The following MAP3K15 variants were observed in gnomAD, a reference collection of about 807,000 sequenced individuals.
The protein encoded by MAP3K15 is MAPK/ERK kinase kinase 15.
A neutral mutation model predicts 99.5 loss-of-function variants in MAP3K15; 124 were observed. The ratio of observed to expected loss-of-function variants is 1.25; its 90% CI spans 1.08 to 1.45. The LOEUF is 1.45. Among genes scored for constraint, MAP3K15 ranks in the 40% most tolerant of loss-of-function variants. The pLI, the probability that MAP3K15 is intolerant of heterozygous loss-of-function variation, is 0.00. For missense variants in MAP3K15, 1,242 were observed against 1,079.7 expected, an observed-to-expected ratio of 1.15 and a Z score of -2.11; for synonymous variants, 494 against 439.6, an observed-to-expected ratio of 1.12 and a Z score of -1.55.
At chrX:19,375,509 G>A (rs764998741) in intron 19 of MAP3K15, among the ~76,000 whole-genome samples, 1 of 112,291 alleles carries the variant, frequency 8.9e-6, no homozygotes, top group East Asian at 2.8e-4. Context: ...ATGCTTCCGT[G>A]ACATGTTATA....
intron 6 of MAP3K15, among the ~76,000 whole-genome samples, chrX:19,445,405 A>G (rs1261780329): frequency 9.3e-6 from 1 of 107,719 alleles, no homozygotes; most frequent in Non-Finnish European, 1.9e-5. Context: ...AGCCTGGCCA[A>G]CATAGTGAAA....
intron 6 of MAP3K15, among the ~76,000 whole-genome samples, chrX:19,452,039 A>G (rs2064042630): frequency 9.8e-6 from 1 of 101,959 alleles, no homozygotes; most frequent in Admixed American, 1.2e-4. Flanking sequence ...AGCCTGGGTG[A>G]CAGAGCAGGA....
At chrX:19,370,924 C>CT (rs1404253315) in intron 24 of MAP3K15, 35 bp downstream of exon 24, 1 of 1,040,779 alleles carries the variant, frequency 9.6e-7, no homozygotes, top group African/African-American at 1.9e-5. Flanking sequence ...TTTTCACGGC[C>CT]TAAAGCTGAC....
chrX:19,418,912 C>A (rs1397378458), intron 9 of MAP3K15, among the ~76,000 whole-genome samples: 1 of 111,697 alleles, frequency 9.0e-6, no homozygotes, highest in African/African-American at 3.3e-5. Context: ...GAATTTTCAA[C>A]CCAGAATTTC....
intron 18 of MAP3K15, among the ~76,000 whole-genome samples, chrX:19,381,167 G>C (rs2063455698): frequency 8.9e-6 from 1 of 112,007 alleles, no homozygotes; most frequent in African/African-American, 3.2e-5. Context: ...GTGTCCATTT[G>C]GGCCTCTGAG....
At chrX:19,374,395 C>G in intron 20 of MAP3K15, 82 bp downstream of exon 20, 1 of 968,147 alleles carries the variant, frequency 1.0e-6, no homozygotes, top group South Asian at 2.3e-5. Flanking sequence ...AGCCAGAACT[C>G]TCCCTCCTGA....
chrX:19,460,646 T>C (rs1397551955), intron 4 of MAP3K15, among the ~76,000 whole-genome samples: 1 of 112,028 alleles, frequency 8.9e-6, no homozygotes, highest in Non-Finnish European at 1.9e-5. Flanking sequence ...AAACTGGTGT[T>C]GAGTCCCTGA....
At chrX:19,361,771 T>A in intron 26 of MAP3K15, 178 bp from the exon 27 acceptor site, 1 of 371,705 alleles carries the variant, frequency 2.7e-6, no homozygotes, top group Non-Finnish European at 4.6e-6. Context: ...GAGATTCACT[T>A]TCTAGAAAGC....
intron 11 of MAP3K15, among the ~76,000 whole-genome samples, chrX:19,412,209 C>T (rs762063484): frequency 1.3e-4 from 15 of 112,139 alleles, no homozygotes; most frequent in African/African-American, 4.2e-4. Flanking sequence ...GTCTATTCCA[C>T]GGTGGCTTTA....
At chrX:19,429,960 C>G (rs1362158899) in intron 7 of MAP3K15, among the ~76,000 whole-genome samples, 7 of 111,488 alleles carry the variant, frequency 6.3e-5, no homozygotes, top group Non-Finnish European at 1.3e-4. Flanking sequence ...TCCCCACCAC[C>G]CTGGCTCAAG....
At chrX:19,473,133 A>C (rs1183065464) in intron 3 of MAP3K15, among the ~76,000 whole-genome samples, 1 of 112,342 alleles carries the variant, frequency 8.9e-6, no homozygotes, top group Non-Finnish European at 1.9e-5. Flanking sequence ...GAGTGAGTTT[A>C]ATGAACAGGA....
At position 19,435,615 on chromosome X, in the gene MAP3K15, CA is replaced by C. The variant is rs2063915878; in HGVS notation, c.996-4008del. 3.6e-5 allele frequency among the ~76,000 whole-genome samples: 4 copies of C among 112,161 alleles called. No homozygotes were observed. In the South Asian group the frequency reaches 1.1e-3, roughly 31 times the overall value. ...ATCAAACATTTGAAAAAATTAAAAGCAAAGAGATTTTCAGCTTAAAAGCCAC... is the reference window on the plus strand; with the variant it reads ...ATCAAACATTTGAAAAAATTAAAAGCAAGAGATTTTCAGCTTAAAAGCCAC... On this transcript the variant is annotated intron_variant, in intron 6 of 28. Coordinates refer to ENST00000338883, the MANE Select transcript of MAP3K15 (RefSeq NM_001001671.4).
Position 19,486,504 on chromosome X carries a change from T to C in MAP3K15, c.503A>G (p.Asp168Gly), listed in dbSNP as rs753300066. 9 of 895,613 alleles carry C rather than the reference T, an allele frequency of 1.0e-5. No homozygotes were observed. Among genetic ancestry groups the C allele is most frequent in the Non-Finnish European group, 1.4e-5 (9 of 666,371 alleles). 73.8% of individuals were successfully genotyped at this position (895,613 alleles called of 1,213,427 possible). The part of the protein sequence containing the change: ...TDADTALSLK[D>G]MVTQKNTASS... ...TACTGTGTTTTTTTGAGTTACCATG[T>C]CCTGAAAAGAAAAAGAAAAGATGAA... The change falls in exon 3 of 29, where the codon GAC becomes GGC. Residue 168 changes from aspartate to glycine, a missense_variant and splice_region_variant. By Grantham distance (94) the Asp-to-Gly change is moderately conservative. Transcript: ENST00000338883.
intron 9 of MAP3K15, among the ~76,000 whole-genome samples, chrX:19,421,047 G>T (rs7892435): frequency 0.01 from 1,154 of 110,253 alleles, 19 homozygotes; most frequent in African/African-American, 0.037. Flanking sequence ...ATAATAAGAG[G>T]TATCTATGAC....
At chrX:19,443,022 CTTT>C (rs35963207) in intron 6 of MAP3K15, among the ~76,000 whole-genome samples, 3 of 17,237 alleles carry the variant, frequency 1.7e-4, no homozygotes, top group Admixed American at 1.8e-3. Context: ...CCATGCCCGG[CTTT>C]TTTTTTTTTT....
Position 19,407,927 on chromosome X carries a change from C to T in MAP3K15, c.1749-644G>A, listed in dbSNP as rs184904833. Reference sequence around the variant, plus strand: ...ATTATGGAGAGGAAGGCTAGATTCTCTTCTATCATTGTCCCTTCAAACAAC... The same window carrying T: ...ATTATGGAGAGGAAGGCTAGATTCTTTTCTATCATTGTCCCTTCAAACAAC... On this transcript the variant is annotated intron_variant, in intron 12 of 28. Transcript: ENST00000338883. 1.3e-4 allele frequency among the ~76,000 whole-genome samples: 15 copies of T among 112,028 alleles called. No homozygotes were observed. In the Admixed American group the frequency reaches 1.4e-3, roughly 11 times the overall value.
chrX:19,417,828 C>A (rs1428237239), intron 9 of MAP3K15, among the ~76,000 whole-genome samples: 1 of 111,857 alleles, frequency 8.9e-6, no homozygotes, highest in Non-Finnish European at 1.9e-5. Context: ...CGGCTGGGTA[C>A]TCCTCTGAGA....
At chrX:19,419,144 A>C (rs1214530566) in intron 9 of MAP3K15, among the ~76,000 whole-genome samples, 19 of 112,233 alleles carry the variant, frequency 1.7e-4, no homozygotes, top group Admixed American at 3.8e-4. Flanking sequence ...TGAGCAAAAT[A>C]ACCAGCTAAC....
intron 4 of MAP3K15, among the ~76,000 whole-genome samples, chrX:19,463,065 G>C (rs1365404458): frequency 2.7e-5 from 3 of 111,901 alleles, no homozygotes; most frequent in Non-Finnish European, 5.6e-5. Flanking sequence ...ATGGTATTGG[G>C]AGAGCTTTCT....
Sources: allele counts gnomAD v4.1 joint callset (sites outside exome capture counted in the v4.1 genomes callset), GRCh38; gene constraint gnomAD v4.1.1; transcripts MANE v1.5; gene names NCBI Gene and HGNC (gene_info 2026-07-23, HGNC 2026-07-21).